The following RPTOR variants were observed in gnomAD, a reference collection of about 807,000 sequenced individuals.
RPTOR encodes the protein regulatory-associated protein of mTOR.
Under a neutral mutation model 169.9 loss-of-function variants are expected in RPTOR, and 21 were observed. The ratio of observed to expected loss-of-function variants is 0.12; its 90% confidence interval spans 0.09 to 0.18. RPTOR has a LOEUF of 0.18. Among genes scored for constraint, RPTOR ranks in the 10% least tolerant of loss-of-function variants. The probability of loss-of-function intolerance (pLI) is 1.00; values close to 1 mark genes in which losing one functional copy is unlikely to be tolerated. For synonymous variants in RPTOR, 732 were observed against 753.2 expected, an observed-to-expected ratio of 0.97 and a Z score of 0.46; for missense variants, 1,133 against 1,855.9, an observed-to-expected ratio of 0.61 and a Z score of 7.16.
chr17:80,892,960 T>A, intron 19 of RPTOR, 91 bp downstream of exon 19: 1 of 1,466,906 alleles, frequency 6.8e-7, no homozygotes, highest in Non-Finnish European at 9.2e-7. Context: ...ACTCTGCCCC[T>A]GCCCCTTCGT....
At chr17:80,563,128 G>A (rs1242217038) in intron 1 of RPTOR, among the ~76,000 whole-genome samples, 1 of 152,180 alleles carries the variant, frequency 6.6e-6, no homozygotes, top group Non-Finnish European at 1.5e-5. Context: ...GAGAACCACT[G>A]TGCAGCCTTT....
chr17:80,944,325 C>T (rs1490278083), intron 25 of RPTOR, among the ~76,000 whole-genome samples: 1 of 152,222 alleles, frequency 6.6e-6, no homozygotes, highest in Non-Finnish European at 1.5e-5. Context: ...AAGTCTGTTA[C>T]GAATCAGAGC....
chr17:80,698,900 G>T (rs893886110), intron 3 of RPTOR, among the ~76,000 whole-genome samples: 1 of 152,228 alleles, frequency 6.6e-6, no homozygotes, highest in African/African-American at 2.4e-5. Flanking sequence ...GAGCCTGCTG[G>T]CCAGGAAGCG....
rs1322251770 is a variant in RPTOR, at chr17:80,957,428, TCA to T, written c.3371-194_3371-193del. ...ACTTGGGAGTTCCAGCTCAGAATTG[TCA>T]CCCCAGCCTGGACGTGGGGCACACC... On this transcript the variant is annotated intron_variant, in intron 28 of 33. Coordinates refer to ENST00000306801, the MANE Select transcript of RPTOR (RefSeq NM_020761.3). The surrounding 1 kb of genome is among the most constrained non-coding windows in gnomAD (Gnocchi z 4.6). 6.6e-6 allele frequency among the ~76,000 whole-genome samples: 1 copy of T among 152,246 alleles called. No homozygotes were observed. The highest frequency in any genetic ancestry group is 1.9e-4 in the East Asian group (1 of 5,202).
At chr17:80,613,865 G>A (rs570045595) in intron 1 of RPTOR, among the ~76,000 whole-genome samples, 1 of 152,288 alleles carries the variant, frequency 6.6e-6, no homozygotes, top group African/African-American at 2.4e-5. Flanking sequence ...TGGGCCGCGT[G>A]TTCTGGATAA....
At chr17:80,622,490 T>A (rs2065361561) in intron 1 of RPTOR, among the ~76,000 whole-genome samples, 2 of 152,248 alleles carry the variant, frequency 1.3e-5, no homozygotes. Flanking sequence ...CTCCTGATAA[T>A]AGATGAAGGG....
At chr17:80,647,391 C>T (rs1376515578) in intron 3 of RPTOR, among the ~76,000 whole-genome samples, 1 of 152,098 alleles carries the variant, frequency 6.6e-6, no homozygotes, top group Non-Finnish European at 1.5e-5. Flanking sequence ...AAAGCTGGGA[C>T]CATACAGTGA....
At chr17:80,598,357 G>A (rs1393530545) in intron 1 of RPTOR, among the ~76,000 whole-genome samples, 5 of 152,188 alleles carry the variant, frequency 3.3e-5, no homozygotes, top group Non-Finnish European at 5.9e-5. Flanking sequence ...AAGTGGTGGG[G>A]TGTGGGGCAG....
chr17:80,676,706 G>C (rs1420161088), intron 3 of RPTOR, among the ~76,000 whole-genome samples: 10 of 152,238 alleles, frequency 6.6e-5, no homozygotes, highest in Admixed American at 6.5e-4. Flanking sequence ...TGCTTCTCCA[G>C]GCCTGGAAGC....
intron 7 of RPTOR, among the ~76,000 whole-genome samples, chr17:80,813,789 G>A (rs566162273): frequency 1.2e-4 from 19 of 152,286 alleles, no homozygotes; most frequent in Middle Eastern, 3.4e-3. Flanking sequence ...AAATTTAAGT[G>A]CGTGTCCTTC....
intron 3 of RPTOR, among the ~76,000 whole-genome samples, chr17:80,671,079 T>C (rs1024134949): frequency 6.6e-6 from 1 of 152,104 alleles, no homozygotes; most frequent in African/African-American, 2.4e-5. Flanking sequence ...TCTTCTGTTT[T>C]GCTGTATCCT....
chr17:80,938,255 C>T (rs764600443), intron 24 of RPTOR, among the ~76,000 whole-genome samples: 6 of 152,306 alleles, frequency 3.9e-5, no homozygotes, highest in South Asian at 2.1e-4. Context: ...GCTCTGAAGC[C>T]GCCCCATTTC....
At chr17:80,790,343 T>C (rs779412545) in intron 6 of RPTOR, among the ~76,000 whole-genome samples, 1 of 152,230 alleles carries the variant, frequency 6.6e-6, no homozygotes, top group Admixed American at 6.5e-5. Flanking sequence ...CAGGTATCAC[T>C]TCTTGAGAGA....
chr17:80,587,226 A>G (rs1307086649), intron 1 of RPTOR, among the ~76,000 whole-genome samples: 1 of 152,104 alleles, frequency 6.6e-6, no homozygotes, highest in Non-Finnish European at 1.5e-5. Context: ...TCACAGTTTT[A>G]TCAACTGTTT....
intron 6 of RPTOR, chr17:80,773,993 A>G: frequency 1.0e-6 from 1 of 985,448 alleles, no homozygotes; most frequent in Non-Finnish European, 1.2e-6. Context: ...TCGGGCTGTC[A>G]GAAAGGACGA....
At chr17:80,636,287 C>G (rs140090791) in intron 2 of RPTOR, among the ~76,000 whole-genome samples, 106 of 152,298 alleles carry the variant, frequency 7.0e-4, no homozygotes, top group African/African-American at 2.4e-3. Context: ...ATCACAACAC[C>G]TCAAACACCC....
chr17:80,869,824 G>C (rs1418849188), intron 13 of RPTOR, among the ~76,000 whole-genome samples: 1 of 152,174 alleles, frequency 6.6e-6, no homozygotes, highest in Admixed American at 6.5e-5. Context: ...AGGGGATCAG[G>C]GGGCAGAAAG....
intron 6 of RPTOR, among the ~76,000 whole-genome samples, chr17:80,786,401 T>A (rs778645236): frequency 6.6e-6 from 1 of 152,232 alleles, no homozygotes; most frequent in Non-Finnish European, 1.5e-5. Flanking sequence ...TCAATAGTTA[T>A]TTGTATGATA....
chr17:80,960,021 G>T lies in RPTOR; in HGVS notation c.3478-57G>T. 6.2e-7 allele frequency: 1 copy of T among 1,604,120 alleles called. No individual in the cohort carries two copies. Among genetic ancestry groups the T allele is most frequent in the East Asian group, 2.2e-5 (1 of 44,692 alleles). Reference sequence around the variant, plus strand: ...AGAGGGGTCCTGGCGCTGCAGGACAGCAGGGAGGGTGGCTCGGTGCCCCGG... The same window carrying T: ...AGAGGGGTCCTGGCGCTGCAGGACATCAGGGAGGGTGGCTCGGTGCCCCGG... On this transcript the variant is annotated intron_variant, in intron 29 of 33. Coordinates refer to ENST00000306801, the MANE Select transcript of RPTOR (RefSeq NM_020761.3). This position sits in a 1 kb window ranked among gnomAD's most constrained non-coding sequence, Gnocchi z 4.8.
Sources: gnomAD v4.1 joint callset for allele counts (sites outside exome capture counted in the v4.1 genomes callset) on GRCh38, gnomAD v4.1.1 for gene constraint, Gnocchi (gnomAD v3.1) non-coding constraint, MANE v1.5 for transcripts, NCBI Gene and HGNC (gene_info 2026-07-23, HGNC 2026-07-21) for gene names.